Variants in LOC400499 observed in about 807,000 individuals in gnomAD.
At chr16:11,390,413 G>A in the LOC400499 span, 6 of 1,251,656 alleles carry the variant, frequency 4.8e-6, no homozygotes, top group African/African-American at 7.7e-5. Flanking sequence ...ACCTCCTCCA[G>A]GGGCCGCAGT....
At chr16:11,384,642 C>G in the LOC400499 span, among the ~76,000 whole-genome samples, 1 of 152,230 alleles carries the variant, frequency 6.6e-6, no homozygotes, top group Non-Finnish European at 1.5e-5. Context: ...AGGGCCAACT[C>G]CACACTGGAG....
chr16:11,386,559 A>C, the LOC400499 span, among the ~76,000 whole-genome samples: 1 of 152,278 alleles, frequency 6.6e-6, no homozygotes, highest in East Asian at 1.9e-4. Context: ...CCCCATAGAC[A>C]TGAGGGGCTC....
chr16:11,407,887 G>A, the LOC400499 span, among the ~76,000 whole-genome samples: 41 of 152,126 alleles, frequency 2.7e-4, no homozygotes, highest in Non-Finnish European at 5.3e-4. Context: ...GAATCACTGC[G>A]GGGGAACTTA....
At chr16:11,476,888 G>C in the LOC400499 span, 2 of 399,386 alleles carry the variant, frequency 5.0e-6, no homozygotes, top group Non-Finnish European at 8.8e-6. Context: ...ACCCACCTCA[G>C]CCCGGCCTGC....
the LOC400499 span, among the ~76,000 whole-genome samples, chr16:11,406,818 A>G: frequency 1.3e-5 from 2 of 152,184 alleles, no homozygotes; most frequent in African/African-American, 4.8e-5. Context: ...CTGGCCACCT[A>G]ATCTAAATAA....
the LOC400499 span, among the ~76,000 whole-genome samples, chr16:11,423,602 C>A: frequency 1.3e-5 from 2 of 152,246 alleles, no homozygotes; most frequent in East Asian, 3.8e-4. Flanking sequence ...ACGGTGCAGC[C>A]TGGCTTCAGG....
At chr16:11,481,718 T>C in the LOC400499 span, among the ~76,000 whole-genome samples, 3 of 152,166 alleles carry the variant, frequency 2.0e-5, no homozygotes, top group Non-Finnish European at 2.9e-5. Context: ...CGGCAACCCC[T>C]GCCTCCCGGT....
At chr16:11,518,507 G>A in the LOC400499 span, among the ~76,000 whole-genome samples, 1,055 of 152,184 alleles carry the variant, frequency 6.9e-3, 10 homozygotes, top group African/African-American at 0.023. Flanking sequence ...ATTAGCCGGA[G>A]TCTTCCAGAA....
chr16:11,378,472 C>T, the LOC400499 span, among the ~76,000 whole-genome samples: 1 of 152,160 alleles, frequency 6.6e-6, no homozygotes, highest in Admixed American at 6.5e-5. Flanking sequence ...CCATGTTTGC[C>T]AAGCTGGGCT....
At chr16:11,520,522 C>A in the LOC400499 span, among the ~76,000 whole-genome samples, 1 of 152,098 alleles carries the variant, frequency 6.6e-6, no homozygotes, top group South Asian at 2.1e-4. Context: ...CCAGGCGTGG[C>A]GGAGCGCACC....
the LOC400499 span, among the ~76,000 whole-genome samples, chr16:11,486,585 GTGGA>G: frequency 1.2e-5 from 1 of 80,414 alleles, no homozygotes; most frequent in Non-Finnish European, 2.5e-5. Context: ...TGATGGATGG[GTGGA>G]TGGGTGGGTG....
chr16:11,406,507 A>G, the LOC400499 span, among the ~76,000 whole-genome samples: 2 of 152,154 alleles, frequency 1.3e-5, no homozygotes, highest in East Asian at 3.8e-4. Flanking sequence ...ATCTCGGCTC[A>G]CTGCAACCTC....
the LOC400499 span, among the ~76,000 whole-genome samples, chr16:11,467,456 A>G: frequency 7.5e-6 from 1 of 133,666 alleles, no homozygotes; most frequent in Non-Finnish European, 1.6e-5. Flanking sequence ...CAAAAATATA[A>G]AAAAAAGAAG....
At chr16:11,459,988 G>A in the LOC400499 span, 2 of 1,509,816 alleles carry the variant, frequency 1.3e-6, no homozygotes, top group South Asian at 2.5e-5. Flanking sequence ...TTGTCCCAGT[G>A]CTTCCCGTAG....
At chr16:11,471,578 T>G in the LOC400499 span, 1 of 398,802 alleles carries the variant, frequency 2.5e-6, no homozygotes, top group South Asian at 1.3e-4. Context: ...CCCACGTCCT[T>G]TAGGGTGAGC....
At chr16:11,505,292 T>C in the LOC400499 span, among the ~76,000 whole-genome samples, 1 of 152,114 alleles carries the variant, frequency 6.6e-6, no homozygotes, top group Non-Finnish European at 1.5e-5. Context: ...TCATGTCATA[T>C]TTCCACCACA....
At chr16:11,417,928 G>T in the LOC400499 span, 1 of 397,970 alleles carries the variant, frequency 2.5e-6, no homozygotes, top group Non-Finnish European at 4.4e-6. Context: ...AAACCCTGGG[G>T]TTATCAGTGC....
At chr16:11,431,927 G>A in the LOC400499 span, among the ~76,000 whole-genome samples, 1 of 152,188 alleles carries the variant, frequency 6.6e-6, no homozygotes, top group African/African-American at 2.4e-5. Context: ...GAACTTTCAA[G>A]ATTGGGCCCT....
At chr16:11,410,011 G>A in the LOC400499 span, among the ~76,000 whole-genome samples, 1 of 152,174 alleles carries the variant, frequency 6.6e-6, no homozygotes, top group African/African-American at 2.4e-5. Flanking sequence ...CAGGTGTGGT[G>A]GTACCACCTG....
Sources: gnomAD v4.1 joint callset for allele counts (sites outside exome capture counted in the v4.1 genomes callset) on GRCh38, gnomAD v4.1.1 for gene constraint, MANE v1.5 for transcripts.